ANXA13: variants seen among roughly 807,000 people sequenced by gnomAD.
The protein encoded by ANXA13 is annexin A13.
ANXA13 carries 36 observed loss-of-function variants against 46.6 expected under a neutral mutation model. The ratio of observed to expected loss-of-function variants is 0.77; its 90% CI spans 0.59 to 1.02. The LOEUF is 1.02. Among genes scored for constraint, ANXA13 ranks in the 50% least tolerant of loss-of-function variants. The pLI, the probability that ANXA13 is intolerant of heterozygous loss-of-function variation, is 0.00. For missense variants in ANXA13, 417 were observed against 396.5 expected (o/e 1.05, Z -0.44); for synonymous variants, 163 against 152.9 (o/e 1.07, Z -0.49).
intron 2 of ANXA13, 71 bp from the exon 3 acceptor site, chr8:123,702,807 G>A (rs543224790): frequency 1.2e-4 from 174 of 1,415,696 alleles, no homozygotes; most frequent in Middle Eastern, 1.8e-4. Context: ...TTAGTCCAGG[G>A]TGAGGAAGCC....
intron 1 of ANXA13, among the ~76,000 whole-genome samples, chr8:123,733,394 C>T (rs1488169044): frequency 6.6e-6 from 1 of 152,088 alleles, no homozygotes; most frequent in Non-Finnish European, 1.5e-5. Context: ...CCTCCAGAGC[C>T]TGTCTTCTTT....
intron 3 of ANXA13, 93 bp from the exon 4 acceptor site, chr8:123,698,652 A>G (rs1222889489): frequency 7.3e-7 from 1 of 1,363,442 alleles, no homozygotes; most frequent in Non-Finnish European, 1.0e-6. Flanking sequence ...ATAGTTGACA[A>G]GAAAGGTGCT....
At chr8:123,695,052 T>C (rs1305053724) in intron 6 of ANXA13, among the ~76,000 whole-genome samples, 1 of 152,020 alleles carries the variant, frequency 6.6e-6, no homozygotes, top group South Asian at 2.1e-4. Context: ...GAGTTTCTTG[T>C]TGTAGTCCTT....
intron 1 of ANXA13, among the ~76,000 whole-genome samples, chr8:123,725,920 T>C (rs1218293003): frequency 2.0e-5 from 3 of 152,156 alleles, no homozygotes; most frequent in African/African-American, 7.2e-5. Context: ...CCCACCTTAG[T>C]AGGGTGCTGG....
At chr8:123,706,720 C>A (rs527809846) in intron 2 of ANXA13, among the ~76,000 whole-genome samples, 20 of 152,324 alleles carry the variant, frequency 1.3e-4, no homozygotes, top group Admixed American at 1.2e-3. Context: ...TGCTTCAAAC[C>A]TTTCAGTATA....
At chr8:123,688,772 A>C (rs1279772277) in intron 9 of ANXA13, 99 bp downstream of exon 9, 1 of 1,095,232 alleles carries the variant, frequency 9.1e-7, no homozygotes, top group East Asian at 2.4e-5. Flanking sequence ...GTTGACCCCC[A>C]AAAGCTATTC....
chr8:123,681,013 G>A lies in ANXA13; in HGVS notation c.*227C>T, dbSNP rs1002079916. The A allele has an allele frequency of 2.1e-6, 1 of 487,648 alleles. No homozygotes were observed. The highest frequency in any genetic ancestry group is 1.9e-5 in the African/African-American group (1 of 52,464). 30.2% of individuals were successfully genotyped at this position (487,648 alleles called of 1,614,324 possible). On this transcript the variant is annotated 3_prime_UTR_variant, in exon 11 of 11. Transcript: ENST00000419625. ...TACCATGCTAAAAGAAAGTGAAGAGGCAGCCTAGATGCTTGCTAAGCCAGA... is the reference window on the plus strand; with the variant it reads ...TACCATGCTAAAAGAAAGTGAAGAGACAGCCTAGATGCTTGCTAAGCCAGA...
intron 6 of ANXA13, among the ~76,000 whole-genome samples, chr8:123,694,210 G>A (rs1234772257): frequency 2.6e-5 from 4 of 152,188 alleles, no homozygotes; most frequent in African/African-American, 4.8e-5. Context: ...TGACCCAATG[G>A]TCCACATCCT....
chr8:123,728,426 C>G (rs1814045345), intron 1 of ANXA13: 1 of 152,134 alleles, frequency 6.6e-6, no homozygotes. Context: ...GCACGTTTCT[C>G]ATTAGAAAAG....
In ANXA13 at chr8:123,683,184, C is replaced by A. The variant is rs184150026; in HGVS notation, c.831+1426G>T. Reference sequence around the variant, plus strand: ...GCATGGCAGGAGCAGAGCAGAGAGACTGGCAAAGGGAAAGAGGGGAGAGAG... The same window carrying A: ...GCATGGCAGGAGCAGAGCAGAGAGAATGGCAAAGGGAAAGAGGGGAGAGAG... On this transcript the variant is annotated intron_variant, in intron 10 of 10. Transcript: ENST00000419625. Among the ~76,000 whole-genome samples the A allele has an allele frequency of 9.1e-4, 138 of 151,494 alleles. 1 individual carries two copies. The highest frequency in any genetic ancestry group is 3.2e-3 in the African/African-American group (134 of 41,268).
chr8:123,715,670 G>A (rs548450318), intron 1 of ANXA13, among the ~76,000 whole-genome samples: 1 of 152,348 alleles, frequency 6.6e-6, no homozygotes, highest in East Asian at 1.9e-4. Context: ...GCCAAGCCTG[G>A]TGCTGGCAGG....
intron 3 of ANXA13, among the ~76,000 whole-genome samples, chr8:123,701,377 G>A (rs1390131716): frequency 2.6e-5 from 4 of 152,136 alleles, no homozygotes; most frequent in Non-Finnish European, 5.9e-5. Flanking sequence ...GGCTGAGGCA[G>A]GAGAATCGCT....
chr8:123,728,794 T>C (rs1441533437), intron 1 of ANXA13: 1 of 152,180 alleles, frequency 6.6e-6, no homozygotes, highest in Non-Finnish European at 1.5e-5. Context: ...GTTTATGCAT[T>C]GGATCCAAAA....
chr8:123,681,333 C>A lies in ANXA13; in HGVS notation c.858G>T (p.Lys286Asn). The A allele has an allele frequency of 6.2e-7, 1 of 1,614,054 alleles. No homozygotes were observed. Among genetic ancestry groups the A allele is most frequent in the Non-Finnish European group, 8.5e-7 (1 of 1,179,984 alleles). Residue 286 changes from lysine (K) to asparagine (N), a missense_variant, in exon 11 of 11, where the codon AAG (lysine) becomes AAT (asparagine). Physicochemically the swap from Lys to Asn is moderately conservative, Grantham distance 94. Transcript: ENST00000419625. Reference protein sequence around the residue: ...AEVDLQGIKAKFQEKYQKSLS... With the variant: ...AEVDLQGIKANFQEKYQKSLS... ...GAGACTTCTGATACTTCTCTTGGAA[C>A]TTTGCTTTGATCCCCTGAAGGTCCA... is the stretch of plus-strand genomic sequence containing the variant.
At chr8:123,729,821 C>T (rs1309356395) in intron 1 of ANXA13, among the ~76,000 whole-genome samples, 5 of 152,124 alleles carry the variant, frequency 3.3e-5, no homozygotes, top group South Asian at 4.1e-4. Context: ...GTGCTACTTT[C>T]GATCAAACAC....
intron 2 of ANXA13, 146 bp downstream of exon 2, chr8:123,712,532 A>G (rs969777836): frequency 9.9e-6 from 7 of 709,490 alleles, no homozygotes; most frequent in Non-Finnish European, 1.7e-5. Context: ...ACTTTAATAA[A>G]GAGGTTAGTG....
intron 9 of ANXA13, among the ~76,000 whole-genome samples, chr8:123,687,857 C>G (rs1169597519): frequency 6.6e-6 from 1 of 152,190 alleles, no homozygotes; most frequent in Non-Finnish European, 1.5e-5. Flanking sequence ...GACACAGCCC[C>G]ATGCCCATCT....
chr8:123,723,372 G>C (rs1240694202), intron 1 of ANXA13, among the ~76,000 whole-genome samples: 1 of 152,128 alleles, frequency 6.6e-6, no homozygotes, highest in Non-Finnish European at 1.5e-5. Context: ...TGATCCTCTT[G>C]GGAAGAATCG....
Position 123,681,109 on chromosome 8 carries a change from A to G in ANXA13, c.*131T>C, listed in dbSNP as rs997553312. 8 of 1,307,692 alleles carry G rather than the reference A, an allele frequency of 6.1e-6. No homozygotes were observed. Among genetic ancestry groups the G allele is most frequent in the Non-Finnish European group, 7.2e-6 (7 of 971,142 alleles). The allele number at this position is 1,307,692 out of a possible 1,614,324, so 81.0% of individuals were successfully genotyped here. The stretch of plus-strand genomic sequence containing the variant: ...TTACACAGCTTGGCCTGGCTGCGCC[A>G]CTTAAGCTGCCAAGAAAGTAATCCG... On this transcript the variant is annotated 3_prime_UTR_variant, in exon 11 of 11. Coordinates refer to ENST00000419625, the MANE Select transcript of ANXA13 (RefSeq NM_004306.4).
Sources: allele counts gnomAD v4.1 joint callset (sites outside exome capture counted in the v4.1 genomes callset), GRCh38; gene constraint gnomAD v4.1.1; transcripts MANE v1.5; gene names NCBI Gene and HGNC (gene_info 2026-07-23, HGNC 2026-07-21).